Variants in TRPM3 observed in about 807,000 individuals in gnomAD.
TRPM3 encodes the protein long transient receptor potential channel 3.
A neutral mutation model predicts 181.2 loss-of-function variants in TRPM3; 77 were observed. The ratio of observed to expected loss-of-function variants is 0.42; its 90% CI spans 0.35 to 0.51. The LOEUF (loss-of-function observed/expected upper bound fraction) is 0.51. Ranked by LOEUF, TRPM3 falls within the 20% of genes least tolerant of loss-of-function variation. The probability of loss-of-function intolerance (pLI) is 0.01; values close to 1 mark genes in which losing one functional copy is unlikely to be tolerated. For missense variants in TRPM3, 1,759 were observed against 2,196.7 expected (o/e 0.80, Z 3.98); for synonymous variants, 745 against 796.4 (o/e 0.94, Z 1.09).
At chr9:70,664,128 C>T (rs575383264) in intron 9 of TRPM3, among the ~76,000 whole-genome samples, 1 of 152,266 alleles carries the variant, frequency 6.6e-6, no homozygotes, top group Admixed American at 6.5e-5. Flanking sequence ...GTAAATAATG[C>T]CACTGCCATG....
chr9:70,700,319 G>A (rs1181452817), intron 8 of TRPM3, among the ~76,000 whole-genome samples: 1 of 152,120 alleles, frequency 6.6e-6, no homozygotes, highest in Non-Finnish European at 1.5e-5. Context: ...AAGCCAGGAT[G>A]ATTTGGGGGA....
At chr9:71,251,182 A>G (rs947641866) in intron 1 of TRPM3, among the ~76,000 whole-genome samples, 9 of 152,216 alleles carry the variant, frequency 5.9e-5, no homozygotes, top group Non-Finnish European at 1.3e-4. Context: ...AGCTTCATTA[A>G]TATTGGTGGA....
chr9:70,691,689 G>A (rs2068614949), intron 8 of TRPM3, among the ~76,000 whole-genome samples: 1 of 152,146 alleles, frequency 6.6e-6, no homozygotes, highest in South Asian at 2.1e-4. Flanking sequence ...GAGGTCTACA[G>A]GTTCCAACAC....
intron 19 of TRPM3, among the ~76,000 whole-genome samples, chr9:70,608,599 G>C (rs903586534): frequency 6.6e-6 from 1 of 152,176 alleles, no homozygotes; most frequent in African/African-American, 2.4e-5. Context: ...ACTTTGGTAG[G>C]CTGAGGCAGG....
intron 1 of TRPM3, among the ~76,000 whole-genome samples, chr9:71,295,749 A>C (rs892881919): frequency 2.6e-5 from 4 of 151,358 alleles, no homozygotes; most frequent in African/African-American, 9.7e-5. Flanking sequence ...TGAGATGGGA[A>C]GATCCCTTGA....
chr9:71,232,871 C>G (rs2081147679), intron 1 of TRPM3, among the ~76,000 whole-genome samples: 3 of 152,116 alleles, frequency 2.0e-5, no homozygotes, highest in African/African-American at 7.2e-5. Flanking sequence ...CTCCATACAC[C>G]CTGCTGCCTT....
intron 1 of TRPM3, among the ~76,000 whole-genome samples, chr9:71,278,228 C>A (rs6560194): frequency 0.52 from 79,636 of 152,030 alleles, 20,946 homozygotes; most frequent in African/African-American, 0.59. Flanking sequence ...AGTAAATAAG[C>A]CATGATCCCA....
rs2062724003 is a variant in TRPM3, at chr9:70,616,015, C to T, written c.2419G>A (p.Asp807Asn). ...TGGGCCTGAGACATATAGGGCATGTCGTCTTTGTTCTTGAACTCCAAGCTG... is the reference window on the plus strand; with the variant it reads ...TGGGCCTGAGACATATAGGGCATGTTGTCTTTGTTCTTGAACTCCAAGCTG... ...ILSLEFKNKD[D>N]MPYMSQAQEI... Residue 807 changes from aspartate to asparagine, a missense_variant, in exon 18 of 26, where the codon GAC becomes AAC. This residue lies in a region of TRPM3 where 114 missense variants were observed against 134.8 expected (regional missense o/e 0.85). Coordinates refer to ENST00000677713, the MANE Select transcript of TRPM3 (RefSeq NM_001366145.2). 19 of 1,610,856 alleles carry T rather than the reference C, an allele frequency of 1.2e-5. No individual in the cohort carries two copies. Among genetic ancestry groups the T allele is most frequent in the Non-Finnish European group, 1.1e-5 (13 of 1,178,460 alleles).
intron 1 of TRPM3, among the ~76,000 whole-genome samples, chr9:71,116,289 C>T (rs1458079194): frequency 2.0e-5 from 3 of 152,152 alleles, no homozygotes; most frequent in Non-Finnish European, 4.4e-5. Context: ...CCTGTCCAGG[C>T]TAAGCAAAGT....
At chr9:70,865,044 G>A (rs947849040) in intron 1 of TRPM3, among the ~76,000 whole-genome samples, 1 of 137,964 alleles carries the variant, frequency 7.2e-6, no homozygotes, top group Non-Finnish European at 1.5e-5. Context: ...GTACAGGGGG[G>A]TTGGGGGGGG....
At chr9:71,278,964 T>G (rs752625552) in intron 1 of TRPM3, among the ~76,000 whole-genome samples, 43 of 148,252 alleles carry the variant, frequency 2.9e-4, no homozygotes, top group Non-Finnish European at 4.4e-4. Context: ...AAGAACATAC[T>G]TCTCTTTTGG....
intron 22 of TRPM3, among the ~76,000 whole-genome samples, chr9:70,560,460 G>A (rs1806788): frequency 0.55 from 83,228 of 152,082 alleles, 23,051 homozygotes; most frequent in East Asian, 0.73. Context: ...TGAGCTTTAC[G>A]TATATCACCT....
chr9:71,182,455 C>A (rs2077458073), intron 1 of TRPM3, among the ~76,000 whole-genome samples: 1 of 151,988 alleles, frequency 6.6e-6, no homozygotes, highest in South Asian at 2.1e-4. Flanking sequence ...CAAAACCTGA[C>A]AATTTCCTTT....
At chr9:71,155,313 C>T (rs2075934725) in intron 1 of TRPM3, among the ~76,000 whole-genome samples, 1 of 151,614 alleles carries the variant, frequency 6.6e-6, no homozygotes, top group African/African-American at 2.4e-5. Context: ...TGCCAAAGTT[C>T]CTATCTTTTT....
Position 71,224,637 on chromosome 9 carries a change from C to A in TRPM3, c.183+222016G>T, listed in dbSNP as rs2080465168. Among the ~76,000 whole-genome samples, 3 of 151,774 alleles carry A rather than the reference C, an allele frequency of 2.0e-5. No homozygotes were observed. In the South Asian group the frequency reaches 6.2e-4, roughly 31 times the overall value. ...TCAGAATAGCTGATTTCAGGAAATT[C>A]AAAGAAATTTAAGATAACACAGAGA... On this transcript the variant is annotated intron_variant, in intron 1 of 24. Transcript: ENST00000357533.
rs559603913 is a variant in TRPM3, at chr9:70,598,802, A to C, written c.2797-132T>G. ...TACCTATATCTACTTAAATACTTGC[A>C]TGCTGTAAAAGTCCGACTGAGCTAA... On this transcript the variant is annotated intron_variant, in intron 20 of 25. Transcript: ENST00000677713. The C allele has an allele frequency of 1.0e-4, 117 of 1,132,666 alleles. 2 individuals carry two copies. In the South Asian group the frequency reaches 1.6e-3, roughly 16 times the overall value. The allele number at this position is 1,132,666 out of a possible 1,614,324, so 70.2% of individuals were successfully genotyped here.
chr9:70,953,476 C>A (rs956275993), intron 1 of TRPM3, among the ~76,000 whole-genome samples: 1 of 151,938 alleles, frequency 6.6e-6, no homozygotes, highest in African/African-American at 2.4e-5. Context: ...CATTGTCTTG[C>A]GTTTTTAAAT....
intron 6 of TRPM3, chr9:70,811,295 C>T: frequency 5.4e-6 from 8 of 1,470,142 alleles, no homozygotes; most frequent in Middle Eastern, 1.7e-4. Context: ...GTTGCATACA[C>T]ATTTTATTAA....
intron 1 of TRPM3, among the ~76,000 whole-genome samples, chr9:71,070,886 A>C (rs2062673462): frequency 6.6e-6 from 1 of 152,238 alleles, no homozygotes; most frequent in African/African-American, 2.4e-5. Flanking sequence ...ACTATTATTC[A>C]GTATATGTCA....
Sources: allele counts gnomAD v4.1 joint callset (sites outside exome capture counted in the v4.1 genomes callset), GRCh38; gene constraint gnomAD v4.1.1; regional missense constraint gnomAD v4.1.1; transcripts MANE v1.5; gene names NCBI Gene and HGNC (gene_info 2026-07-23, HGNC 2026-07-21).